RAB3GAP2: variants seen among roughly 807,000 people sequenced by gnomAD.
RAB3GAP2 encodes rab3 GTPase-activating protein non-catalytic subunit.
In RAB3GAP2, 87 loss-of-function variants were observed where a neutral mutation model predicts 185.3. That is an observed-to-expected ratio of 0.47 (90% CI 0.39 to 0.56). The LOEUF (loss-of-function observed/expected upper bound fraction) is 0.56. RAB3GAP2 is among the 20% of genes least tolerant of loss of function. RAB3GAP2 has a pLI of 0.00. For synonymous variants in RAB3GAP2, 554 were observed against 576.1 expected, an observed-to-expected ratio of 0.96 and a Z score of 0.55; for missense variants, 1,492 against 1,638.2, an observed-to-expected ratio of 0.91 and a Z score of 1.54.
chr1:220,197,122 G>A (rs1020861063), intron 9 of RAB3GAP2, among the ~76,000 whole-genome samples: 1 of 151,650 alleles, frequency 6.6e-6, no homozygotes, highest in Non-Finnish European at 1.5e-5. Context: ...CGAATGGCTG[G>A]GATTACAGAC....
intron 1 of RAB3GAP2, among the ~76,000 whole-genome samples, chr1:220,258,623 C>T (rs1166290938): frequency 2.6e-5 from 4 of 152,110 alleles, no homozygotes; most frequent in African/African-American, 9.7e-5. Flanking sequence ...AACCCACAGC[C>T]AATATCATAC....
chr1:220,165,829 C>T (rs184231404), intron 26 of RAB3GAP2, among the ~76,000 whole-genome samples: 72 of 152,238 alleles, frequency 4.7e-4, no homozygotes, highest in Middle Eastern at 3.4e-3. Flanking sequence ...GTTCAGAAAC[C>T]GTGTGCTATG....
chr1:220,167,438 TTAATG>T (rs1658090278), intron 25 of RAB3GAP2, 39 bp from the exon 26 acceptor site: 1 of 1,612,918 alleles, frequency 6.2e-7, no homozygotes, highest in Non-Finnish European at 8.5e-7. Context: ...ATTTTTTTCC[TTAATG>T]AACACTTGGC....
chr1:220,162,958 A>G lies in RAB3GAP2; in HGVS notation c.3155-690T>C, dbSNP rs533907289. Among the ~76,000 whole-genome samples the G allele has an allele frequency of 3.3e-5, 5 of 152,308 alleles. No homozygotes were observed. In the South Asian group the frequency reaches 8.3e-4, roughly 25 times the overall value. On this transcript the variant is annotated intron_variant, in intron 27 of 34. Coordinates refer to ENST00000358951, the MANE Select transcript of RAB3GAP2 (RefSeq NM_012414.4). The stretch of plus-strand genomic sequence containing the variant: ...ACAAACAAACAAACCAGGCTGGGCA[A>G]CATGGCCAGAACCCATCCCTATGAA...
chr1:220,271,713 T>C (rs1476709732), intron 1 of RAB3GAP2, among the ~76,000 whole-genome samples: 1 of 151,620 alleles, frequency 6.6e-6, no homozygotes, highest in African/African-American at 2.4e-5. Context: ...TGTGGGGGGA[T>C]GATCAACACT....
At chr1:220,170,445 CAA>C (rs58028233) in intron 24 of RAB3GAP2, among the ~76,000 whole-genome samples, 3 of 140,344 alleles carry the variant, frequency 2.1e-5, no homozygotes. Flanking sequence ...TTTCCCAATG[CAA>C]AAAAAAAAAG....
chr1:220,157,958 A>G, intron 29 of RAB3GAP2, 82 bp from the exon 30 acceptor site: 8 of 1,037,042 alleles, frequency 7.7e-6, no homozygotes, highest in Non-Finnish European at 1.2e-5. Context: ...CCAGGATACA[A>G]TACACTGGTT....
intron 9 of RAB3GAP2, among the ~76,000 whole-genome samples, chr1:220,198,870 T>C (rs929969047): frequency 1.3e-5 from 2 of 152,142 alleles, no homozygotes; most frequent in Admixed American, 1.3e-4. Flanking sequence ...CTAGGCCTAG[T>C]AGAGTGACTA....
chr1:220,211,250 G>A (rs1288061703), intron 4 of RAB3GAP2: 1 of 639,882 alleles, frequency 1.6e-6, no homozygotes, highest in Non-Finnish European at 2.9e-6. Context: ...GTATTGTCAT[G>A]AAAAACATGA....
chr1:220,153,666 T>C, intron 32 of RAB3GAP2: 1 of 375,978 alleles, frequency 2.7e-6, no homozygotes, highest in South Asian at 3.4e-5. Flanking sequence ...GTTTGTTACA[T>C]ATGTATACAT....
At chr1:220,254,353 C>T (rs2102526087) in intron 1 of RAB3GAP2, 1 of 1,613,424 alleles carries the variant, frequency 6.2e-7, no homozygotes. Flanking sequence ...TGGAGCGCCA[C>T]ATCTCCTGAG....
In RAB3GAP2 at chr1:220,165,723, G is replaced by A. The variant is rs568596729; in HGVS notation, c.3088-924C>T. Among the ~76,000 whole-genome samples, 8 of 152,332 alleles carry A rather than the reference G, an allele frequency of 5.3e-5. No homozygotes were observed. The South Asian group carries it at 1.7e-3, about 32-fold the overall frequency. ...TGATACTGATAACACTAGTCAAAAT[G>A]TTAGGCACTATGCATTCATTTTCTC... On this transcript the variant is annotated intron_variant, in intron 26 of 34. Transcript: ENST00000358951.
intron 31 of RAB3GAP2, 135 bp from the exon 32 acceptor site, chr1:220,154,192 T>G: frequency 7.7e-7 from 1 of 1,291,510 alleles, no homozygotes; most frequent in Non-Finnish European, 1.0e-6. Flanking sequence ...TTTAGAATAA[T>G]TTTTATAACA....
Position 220,196,418 on chromosome 1 carries a change from G to T in RAB3GAP2, c.812-20C>A. ...TAATACCTAATAAAAAAAAAAAAGT[G>T]ATTTGAATGTACAATGTTATTGCGG... On this transcript the variant is annotated intron_variant, in intron 9 of 34. Coordinates refer to ENST00000358951, the MANE Select transcript of RAB3GAP2 (RefSeq NM_012414.4). 1 of 1,548,838 alleles carries T rather than the reference G, an allele frequency of 6.5e-7. No individual in the cohort carries two copies. The highest frequency in any genetic ancestry group is 1.1e-5 in the South Asian group (1 of 89,632).
At chr1:220,189,882 C>T (rs1462317186) in intron 16 of RAB3GAP2, 115 bp from the exon 17 acceptor site, 4 of 1,100,446 alleles carry the variant, frequency 3.6e-6, no homozygotes, top group East Asian at 2.6e-5. Flanking sequence ...TTTTTGGGTT[C>T]TCTCACATTA....
At chr1:220,159,454 A>T in intron 28 of RAB3GAP2, 33 bp from the exon 29 acceptor site, 1 of 1,457,658 alleles carries the variant, frequency 6.9e-7, no homozygotes, top group Non-Finnish European at 9.5e-7. Flanking sequence ...TGTAACATTT[A>T]ATAATTTAAA....
intron 3 of RAB3GAP2, among the ~76,000 whole-genome samples, chr1:220,213,411 A>G (rs753424346): frequency 1.3e-5 from 2 of 152,146 alleles, no homozygotes; most frequent in Non-Finnish European, 2.9e-5. Flanking sequence ...AAGATATGAA[A>G]AAAACCTCAA....
At position 220,220,084 on chromosome 1, in the gene RAB3GAP2, C is replaced by T. The variant is rs912525664; in HGVS notation, c.181-6105G>A. On this transcript the variant is annotated intron_variant, in intron 2 of 34. Transcript: ENST00000358951. Reference sequence around the variant, plus strand: ...TTTGACAAGGTAATTTCCCAAGCCACGCCTGAAATGTAAAACAAAAAAAGC... The same window carrying T: ...TTTGACAAGGTAATTTCCCAAGCCATGCCTGAAATGTAAAACAAAAAAAGC... Among the ~76,000 whole-genome samples, 5 of 152,282 alleles carry T rather than the reference C, an allele frequency of 3.3e-5. No homozygotes were observed. The East Asian group carries it at 5.8e-4, about 18-fold the overall frequency.
Position 220,150,957 on chromosome 1 carries a change from G to A in RAB3GAP2, c.*294C>T. ...TCTAAATTATAACCAATTTTAAATA[G>A]CAAAGTTTAACAATAAAGCTACTTA... On this transcript the variant is annotated 3_prime_UTR_variant, in exon 35 of 35. Transcript: ENST00000358951. 2.9e-6 allele frequency: 1 copy of A among 346,836 alleles called. No homozygotes were observed. 21.5% of individuals were successfully genotyped at this position (346,836 alleles called of 1,614,324 possible). A position where few individuals can be genotyped will look rare whatever the true frequency, so the allele number is the denominator to read the frequency against.
Sources: gnomAD v4.1 joint callset for allele counts (sites outside exome capture counted in the v4.1 genomes callset) on GRCh38, gnomAD v4.1.1 for gene constraint, MANE v1.5 for transcripts, NCBI Gene and HGNC (gene_info 2026-07-23, HGNC 2026-07-21) for gene names.